Variants in SLFN12L observed in about 807,000 individuals in gnomAD.
SLFN12L encodes schlafen family member 12-like.
SLFN12L carries 34 observed loss-of-function variants against 34.8 expected under a neutral mutation model. That is an observed-to-expected ratio of 0.98 (90% CI 0.74 to 1.30). SLFN12L has a LOEUF of 1.30. Ranked by LOEUF, SLFN12L falls within the 50% of genes most tolerant of loss-of-function variation. The pLI is 0.00. For missense variants in SLFN12L, 703 were observed against 696.2 expected, an observed-to-expected ratio of 1.01 and a Z score of -0.11; for synonymous variants, 259 against 247.5, an observed-to-expected ratio of 1.05 and a Z score of -0.44.
chr17:35,465,737 T>C lies in SLFN12L; in HGVS notation c.*9186A>G, dbSNP rs1422921745. ...CTACAACATTATTGCTGTGGTCTTG[T>C]CGACTAGGGCCTCATAGCCAGTATC... On this transcript the variant is annotated 3_prime_UTR_variant, in exon 5 of 5. Coordinates refer to ENST00000628453, the MANE Select transcript of SLFN12L (RefSeq NM_001363830.2). Among the ~76,000 whole-genome samples, 1 of 149,972 alleles carries C rather than the reference T, an allele frequency of 6.7e-6. No homozygotes were observed. The highest frequency in any genetic ancestry group is 1.9e-4 in the East Asian group (1 of 5,144).
At chr17:35,475,617 G>A in intron 4 of SLFN12L, 132 bp from the exon 5 acceptor site, 3 of 1,364,736 alleles carry the variant, frequency 2.2e-6, no homozygotes, top group South Asian at 1.6e-5. Flanking sequence ...AGTGTATCAG[G>A]GCCAGGCATG....
intron 2 of SLFN12L, chr17:35,498,227 G>T: frequency 1.6e-6 from 1 of 620,918 alleles, no homozygotes. Context: ...TGAAATGAGT[G>T]CGTACCGAGG....
At chr17:35,498,820 C>A in intron 2 of SLFN12L, 2 of 818,322 alleles carry the variant, frequency 2.4e-6, no homozygotes, top group Non-Finnish European at 4.0e-6. Flanking sequence ...GTGCAGCCTG[C>A]CAAGACAACA....
rs1358685818 is a variant in SLFN12L at position 35,471,529 on chromosome 17, T to C, written c.*3394A>G. ...GTCAAATGGTATTTCTGGTTCTAGA[T>C]CCTTGAGGAATCGCCACACTGTCTT... On this transcript the variant is annotated 3_prime_UTR_variant, in exon 5 of 5. Coordinates refer to ENST00000628453, the MANE Select transcript of SLFN12L (RefSeq NM_001363830.2). 6.6e-6 allele frequency among the ~76,000 whole-genome samples: 1 copy of C among 152,174 alleles called. No individual in the cohort carries two copies. The highest frequency in any genetic ancestry group is 1.9e-4 in the East Asian group (1 of 5,200).
chr17:35,516,252 C>T (rs1291116683), intron 2 of SLFN12L, among the ~76,000 whole-genome samples: 1 of 152,188 alleles, frequency 6.6e-6, no homozygotes, highest in Admixed American at 6.5e-5. Flanking sequence ...AGGTTGGGGT[C>T]CCTACTAGGG....
At chr17:35,502,173 A>G (rs1166527244) in intron 2 of SLFN12L, among the ~76,000 whole-genome samples, 1 of 152,050 alleles carries the variant, frequency 6.6e-6, no homozygotes, top group Non-Finnish European at 1.5e-5. Context: ...TATAATTGAT[A>G]ATTAAAGGTA....
chr17:35,522,088 G>C (rs1221400991), intron 2 of SLFN12L, among the ~76,000 whole-genome samples, 191 bp downstream of exon 2: 2 of 151,922 alleles, frequency 1.3e-5, no homozygotes, highest in East Asian at 3.9e-4. Flanking sequence ...CCTGCACGTT[G>C]TGCACATGTA....
At chr17:35,519,452 A>G (rs987599863) in intron 2 of SLFN12L, among the ~76,000 whole-genome samples, 1 of 152,250 alleles carries the variant, frequency 6.6e-6, no homozygotes, top group Non-Finnish European at 1.5e-5. Context: ...AAAATATTAA[A>G]TAAATACCTA....
chr17:35,524,772 A>T (rs1157040588), intron 1 of SLFN12L, among the ~76,000 whole-genome samples: 3 of 152,204 alleles, frequency 2.0e-5, no homozygotes, highest in Non-Finnish European at 4.4e-5. Context: ...AAAAGGCTGA[A>T]AATTCCAAAA....
At chr17:35,508,732 C>G (rs1052897308) in intron 2 of SLFN12L, among the ~76,000 whole-genome samples, 2 of 151,908 alleles carry the variant, frequency 1.3e-5, no homozygotes, top group Non-Finnish European at 2.9e-5. Context: ...TCCTTGGAGA[C>G]AGTTCTCTTT....
chr17:35,487,867 G>T, intron 2 of SLFN12L: 1 of 980,266 alleles, frequency 1.0e-6, no homozygotes, highest in Non-Finnish European at 1.6e-6. Flanking sequence ...CGGAAGTGGT[G>T]GCACCGCACG....
At position 35,474,954 on chromosome 17, in the gene SLFN12L, A is replaced by G; in HGVS notation, c.1808T>C (p.Val603Ala). 6.4e-7 allele frequency: 1 copy of G among 1,550,706 alleles called. No homozygotes were observed. The highest frequency in any genetic ancestry group is 8.7e-7 in the Non-Finnish European group (1 of 1,146,686). Residue 603 changes from valine (V) to alanine (A), a missense_variant, in exon 5 of 5, where the codon GTT becomes GCT. Coordinates refer to ENST00000628453, the MANE Select transcript of SLFN12L (RefSeq NM_001363830.2). ...FVCLFRFCLF[V>A]CWFVCFFLR ...CAAGAAAAAACAAACAAACCAACAA[A>G]CAAACAAACAAAAACGAAACAAACA...
chr17:35,514,081 T>A (rs1035665043), intron 2 of SLFN12L, among the ~76,000 whole-genome samples: 2 of 152,228 alleles, frequency 1.3e-5, no homozygotes, highest in African/African-American at 4.8e-5. Flanking sequence ...ACTCCCTCGT[T>A]CAATACATTG....
intron 2 of SLFN12L, chr17:35,490,904 A>G (rs949118396): frequency 3.6e-6 from 3 of 822,162 alleles, no homozygotes; most frequent in African/African-American, 3.4e-5. Flanking sequence ...TCCAATGACA[A>G]CAAACAACCA....
chr17:35,487,960 G>T, intron 2 of SLFN12L: 1 of 687,210 alleles, frequency 1.5e-6, no homozygotes, highest in South Asian at 1.5e-5. Context: ...TGTAATCCCA[G>T]CACTTTGGGA....
rs768436639 is a variant in SLFN12L, at chr17:35,530,505, AAAG to A, written c.-606+7065_-606+7067del. Among the ~76,000 whole-genome samples the A allele has an allele frequency of 4.3e-3, 131 of 30,462 alleles. 2 individuals are homozygous for A. Among genetic ancestry groups the A allele is most frequent in the East Asian group, 0.031 (35 of 1,146 alleles). The allele number at this position is 30,462 out of a possible 152,430, so 20.0% of individuals were successfully genotyped here. On this transcript the variant is annotated intron_variant, in intron 1 of 4. Coordinates refer to ENST00000628453, the MANE Select transcript of SLFN12L (RefSeq NM_001363830.2). ...GAAAGAAAGAAAGAAAGAAAGAAAG[AAAG>A]AAAGAAAAGAAAAGAAAAGAAAAGA...
At position 35,522,436 on chromosome 17, in the gene SLFN12L, A is replaced by G. The variant is rs936564544; in HGVS notation, c.-72T>C. On this transcript the variant is annotated 5_prime_UTR_variant, in exon 2 of 5. Coordinates refer to ENST00000628453, the MANE Select transcript of SLFN12L (RefSeq NM_001363830.2). ...ACAAACAATTCTCTGTTCTTGTGGA[A>G]GCTTCTGGAGAATATCTCATACTGC... is the stretch of plus-strand genomic sequence containing the variant. 6.9e-5 allele frequency: 111 copies of G among 1,614,058 alleles called. 1 individual carries two copies. In the Middle Eastern group the frequency reaches 2.6e-3, roughly 38 times the overall value.
rs1913858825 is a variant in SLFN12L, at chr17:35,474,306, A to G, written c.*617T>C. The stretch of plus-strand genomic sequence containing the variant: ...CTGATATTTCCTTTATAGTCAAATG[A>G]CATCTTGGTATGGCAAAACATGTGT... On this transcript the variant is annotated 3_prime_UTR_variant, in exon 5 of 5. Transcript: ENST00000628453. The G allele has an allele frequency of 6.6e-6, 1 of 152,250 alleles. No homozygotes were observed. The highest frequency in any genetic ancestry group is 6.5e-5 in the Admixed American group (1 of 15,286). 9.4% of individuals were successfully genotyped at this position (152,250 alleles called of 1,614,324 possible). A position where few individuals can be genotyped will look rare whatever the true frequency, so the allele number is the denominator to read the frequency against.
chr17:35,504,728 C>T (rs574064533), intron 2 of SLFN12L, among the ~76,000 whole-genome samples: 35 of 152,348 alleles, frequency 2.3e-4, no homozygotes, highest in Middle Eastern at 6.8e-3. Context: ...TCTCCCAACA[C>T]TAAGTTCACT....
Sources: allele counts gnomAD v4.1 joint callset (sites outside exome capture counted in the v4.1 genomes callset), GRCh38; gene constraint gnomAD v4.1.1; transcripts MANE v1.5; gene names NCBI Gene and HGNC (gene_info 2026-07-23, HGNC 2026-07-21).